The following FOXP1 variants were observed in gnomAD, a reference collection of about 807,000 sequenced individuals.
The protein encoded by FOXP1 is forkhead box protein P1.
In FOXP1, 15 loss-of-function variants were observed where a neutral mutation model predicts 98.2. The observed-to-expected ratio is 0.15, with a 90% CI of 0.10 to 0.24. The LOEUF is 0.24. FOXP1 is among the 10% of genes least tolerant of loss of function. The pLI is 1.00. For missense variants in FOXP1, 633 were observed against 848.5 expected, an observed-to-expected ratio of 0.75 and a Z score of 3.15; for synonymous variants, 371 against 314.5, an observed-to-expected ratio of 1.18 and a Z score of -1.90.
At chr3:71,557,271 T>C (rs1387435945) in intron 2 of FOXP1, among the ~76,000 whole-genome samples, 2 of 151,914 alleles carry the variant, frequency 1.3e-5, no homozygotes, top group Non-Finnish European at 2.9e-5. Flanking sequence ...GAGTAAGATA[T>C]ATGTTTGGAT....
chr3:71,107,182 A>C (rs1045709139), intron 7 of FOXP1, among the ~76,000 whole-genome samples: 1 of 152,224 alleles, frequency 6.6e-6, no homozygotes, highest in Non-Finnish European at 1.5e-5. Context: ...AGTTGAAATA[A>C]CAAAAACGAA....
intron 3 of FOXP1, among the ~76,000 whole-genome samples, chr3:71,427,060 CAAA>C (rs1280211071): frequency 1.9e-5 from 2 of 103,606 alleles, no homozygotes; most frequent in Non-Finnish European, 4.0e-5. Context: ...GACTCCATCT[CAAA>C]AAAAAAAAAA....
At chr3:71,298,323 G>T (rs778059410) in intron 5 of FOXP1, among the ~76,000 whole-genome samples, 1 of 152,042 alleles carries the variant, frequency 6.6e-6, no homozygotes, top group Non-Finnish European at 1.5e-5. Flanking sequence ...AAATTAGCTG[G>T]GTATGATGGC....
chr3:71,538,037 A>C (rs2044449662), intron 2 of FOXP1, among the ~76,000 whole-genome samples: 3 of 152,378 alleles, frequency 2.0e-5, no homozygotes, highest in Admixed American at 2.0e-4. Flanking sequence ...TATGGCCTGC[A>C]AAGCCTAATG....
intron 5 of FOXP1, among the ~76,000 whole-genome samples, chr3:71,262,870 C>T (rs751599482): frequency 3.0e-4 from 45 of 152,202 alleles, no homozygotes; most frequent in Non-Finnish European, 4.9e-4. Context: ...TGATCTGACC[C>T]GGTAGATCTT....
rs115795802 is a variant in FOXP1 at position 70,960,455 on chromosome 3, G to T, written c.1890-1064C>A. ...CTGGGGTGATCACACAAAACCGCTCGGATAACTATTGAGAAATGTTGTTCG... is the reference window on the plus strand; with the variant it reads ...CTGGGGTGATCACACAAAACCGCTCTGATAACTATTGAGAAATGTTGTTCG... On this transcript the variant is annotated intron_variant, in intron 20 of 20. Coordinates refer to ENST00000649528, the MANE Select transcript of FOXP1 (RefSeq NM_001349338.3). 5.0e-3 allele frequency among the ~76,000 whole-genome samples: 757 copies of T among 152,246 alleles called. 2 individuals carry two copies. The highest frequency in any genetic ancestry group is 0.01 in the Middle Eastern group (3 of 294).
At chr3:71,486,233 T>C (rs546985302) in intron 3 of FOXP1, among the ~76,000 whole-genome samples, 1 of 152,160 alleles carries the variant, frequency 6.6e-6, no homozygotes, top group South Asian at 2.1e-4. Context: ...ACAGAGATGT[T>C]GTTAAGGTTC....
chr3:71,436,438 A>C (rs1221180503), intron 3 of FOXP1, among the ~76,000 whole-genome samples: 1 of 151,744 alleles, frequency 6.6e-6, no homozygotes, highest in Middle Eastern at 3.2e-3. Flanking sequence ...CCTGGTGGTG[A>C]TGAGACCTTC....
chr3:71,498,856 G>C (rs2041111792), intron 2 of FOXP1, among the ~76,000 whole-genome samples: 1 of 152,170 alleles, frequency 6.6e-6, no homozygotes, highest in Non-Finnish European at 1.5e-5. Flanking sequence ...GTTCCCAGGT[G>C]ATACTGATGC....
chr3:71,270,708 A>G (rs2070261189), intron 5 of FOXP1, among the ~76,000 whole-genome samples: 1 of 152,236 alleles, frequency 6.6e-6, no homozygotes, highest in Non-Finnish European at 1.5e-5. Flanking sequence ...TTCTTACAGG[A>G]CAGATAACCC....
intron 6 of FOXP1, among the ~76,000 whole-genome samples, chr3:71,132,409 T>C (rs189301538): frequency 9.1e-4 from 139 of 152,294 alleles, no homozygotes; most frequent in African/African-American, 3.2e-3. Flanking sequence ...AAAGGAATTA[T>C]CACAACTTTC....
In FOXP1 at chr3:71,321,502, A is replaced by G. The variant is rs531378899; in HGVS notation, c.-72-21622T>C. 4.6e-5 allele frequency among the ~76,000 whole-genome samples: 7 copies of G among 152,338 alleles called. No homozygotes were observed. The South Asian group carries it at 1.2e-3, about 27-fold the overall frequency. On this transcript the variant is annotated intron_variant, in intron 4 of 20. Transcript: ENST00000649528. ...GGCTATATATAACACATAAGACTAT[A>G]GACATTTTCTCTGGGGTTCAGGTTT...
intron 2 of FOXP1, among the ~76,000 whole-genome samples, chr3:71,524,970 C>A (rs559049139): frequency 6.6e-6 from 1 of 152,194 alleles, no homozygotes; most frequent in Non-Finnish European, 1.5e-5. Flanking sequence ...ACCACTAAGA[C>A]AGCTCACATC....
At chr3:71,455,440 T>C (rs141866533) in intron 3 of FOXP1, among the ~76,000 whole-genome samples, 1 of 152,260 alleles carries the variant, frequency 6.6e-6, no homozygotes, top group East Asian at 1.9e-4. Context: ...TAAACACCCT[T>C]CCCTTTTAAT....
chr3:71,281,661 A>T (rs376299262), intron 5 of FOXP1, among the ~76,000 whole-genome samples: 1 of 152,254 alleles, frequency 6.6e-6, no homozygotes, highest in East Asian at 1.9e-4. Context: ...AGAGCCAATG[A>T]ACCTCACAAA....
chr3:71,268,090 C>CTT (rs754818021), intron 5 of FOXP1, among the ~76,000 whole-genome samples: 91 of 100,382 alleles, frequency 9.1e-4, no homozygotes, highest in African/African-American at 1.6e-3. Flanking sequence ...CTTTTCTTTT[C>CTT]TTTTTTTTTT....
intron 11 of FOXP1, among the ~76,000 whole-genome samples, chr3:71,028,323 G>C (rs1039565957): frequency 3.9e-5 from 6 of 152,198 alleles, no homozygotes; most frequent in Admixed American, 3.3e-4. Flanking sequence ...AGGATACCAG[G>C]TGGGGACGTT....
intron 4 of FOXP1, among the ~76,000 whole-genome samples, chr3:71,303,263 C>A (rs1232686721): frequency 5.3e-5 from 8 of 152,176 alleles, no homozygotes; most frequent in African/African-American, 1.9e-4. Context: ...TAGTTCATCT[C>A]AATCTTCAGC....
At chr3:71,120,313 C>A (rs1440760084) in intron 6 of FOXP1, among the ~76,000 whole-genome samples, 1 of 152,164 alleles carries the variant, frequency 6.6e-6, no homozygotes, top group Non-Finnish European at 1.5e-5. Context: ...CTTACATCAA[C>A]TGGGATATAC....
Sources: gnomAD v4.1 joint callset for allele counts (sites outside exome capture counted in the v4.1 genomes callset) on GRCh38, gnomAD v4.1.1 for gene constraint, MANE v1.5 for transcripts, NCBI Gene and HGNC (gene_info 2026-07-23, HGNC 2026-07-21) for gene names.